Variants in DCBLD2 observed in about 807,000 individuals in gnomAD.
DCBLD2 encodes discoidin, CUB and LCCL domain containing 2.
In DCBLD2, 54 loss-of-function variants were observed where a neutral mutation model predicts 86.8. The ratio of observed to expected loss-of-function variants is 0.62; its 90% CI spans 0.50 to 0.78. DCBLD2 has a LOEUF of 0.78. Ranked by LOEUF, DCBLD2 falls within the 30% of genes least tolerant of loss-of-function variation. The probability of loss-of-function intolerance (pLI) is 0.00; values close to 1 mark genes in which losing one functional copy is unlikely to be tolerated. For synonymous variants in DCBLD2, 354 were observed against 341.3 expected, an observed-to-expected ratio of 1.04 and a Z score of -0.41; for missense variants, 908 against 954.2, an observed-to-expected ratio of 0.95 and a Z score of 0.64.
chr3:98,884,835 G>A lies in DCBLD2; in HGVS notation c.206-3068C>T, dbSNP rs144058991. 2.8e-4 allele frequency among the ~76,000 whole-genome samples: 42 copies of A among 152,264 alleles called. No individual in the cohort carries two copies. The East Asian group carries it at 7.1e-3, about 26-fold the overall frequency. ...TATTAACAGCTGAATCTACGACTTT[G>A]TAGTGGCAGATTGTCACACTTAAGG... is the stretch of plus-strand genomic sequence containing the variant. On this transcript the variant is annotated intron_variant, in intron 1 of 15. Coordinates refer to ENST00000326840, the MANE Select transcript of DCBLD2 (RefSeq NM_080927.4).
At chr3:98,891,977 T>C (rs1310995232) in intron 1 of DCBLD2, among the ~76,000 whole-genome samples, 2 of 152,166 alleles carry the variant, frequency 1.3e-5, no homozygotes, top group Admixed American at 1.3e-4. Flanking sequence ...AGAAAGGCAA[T>C]GCATTCTACT....
At chr3:98,851,966 T>G (rs1238372667) in intron 2 of DCBLD2, among the ~76,000 whole-genome samples, 1 of 152,118 alleles carries the variant, frequency 6.6e-6, no homozygotes, top group Non-Finnish European at 1.5e-5. Flanking sequence ...ACGTAAGACC[T>G]AAAACCATAA....
intron 1 of DCBLD2, among the ~76,000 whole-genome samples, chr3:98,884,078 TATG>T (rs1225786740): frequency 6.6e-6 from 1 of 152,220 alleles, no homozygotes; most frequent in South Asian, 2.1e-4. Flanking sequence ...CCTAAATTCT[TATG>T]ATAATACTTA....
At chr3:98,898,126 A>G (rs1480299987) in intron 1 of DCBLD2, among the ~76,000 whole-genome samples, 1 of 152,090 alleles carries the variant, frequency 6.6e-6, no homozygotes, top group African/African-American at 2.4e-5. Flanking sequence ...AAACATCAAC[A>G]TAATAAATAG....
chr3:98,818,962 T>C (rs1359698157), intron 8 of DCBLD2, among the ~76,000 whole-genome samples: 1 of 152,202 alleles, frequency 6.6e-6, no homozygotes, highest in Admixed American at 6.5e-5. Context: ...CTCCCCTTTA[T>C]ATATACATCT....
intron 2 of DCBLD2, among the ~76,000 whole-genome samples, chr3:98,873,389 T>C (rs944908107): frequency 1.3e-5 from 2 of 152,024 alleles, no homozygotes; most frequent in African/African-American, 2.4e-5. Context: ...ATATAGAATA[T>C]TCACAAAAAA....
chr3:98,834,449 C>G (rs1292996741), intron 3 of DCBLD2, among the ~76,000 whole-genome samples: 12 of 151,740 alleles, frequency 7.9e-5, no homozygotes, highest in African/African-American at 2.7e-4. Context: ...CTCTCTTCAT[C>G]CCCCCACCTC....
intron 2 of DCBLD2, among the ~76,000 whole-genome samples, chr3:98,873,455 T>G (rs1296110267): frequency 6.6e-6 from 1 of 152,092 alleles, no homozygotes; most frequent in Non-Finnish European, 1.5e-5. Context: ...CTGACTATAA[T>G]GCAATAGAAT....
At chr3:98,809,497 T>A (rs908225705) in intron 12 of DCBLD2, among the ~76,000 whole-genome samples, 1 of 152,054 alleles carries the variant, frequency 6.6e-6, no homozygotes, top group Non-Finnish European at 1.5e-5. Flanking sequence ...GGAAGCCCCC[T>A]TTTCACTGCA....
chr3:98,835,741 G>C (rs1658412262), intron 3 of DCBLD2, among the ~76,000 whole-genome samples: 2 of 150,190 alleles, frequency 1.3e-5, no homozygotes, highest in South Asian at 4.2e-4. Flanking sequence ...GTAGAGACAG[G>C]GTTTCACCAT....
intron 1 of DCBLD2, among the ~76,000 whole-genome samples, chr3:98,891,185 GGAGAGGGAGAAGGA>G (rs1173185106): frequency 1.3e-5 from 2 of 150,676 alleles, no homozygotes; most frequent in Non-Finnish European, 3.0e-5. Flanking sequence ...TGTGACAGAG[GGAGAGGGAGAAGGA>G]GAGAGGGAGA....
At chr3:98,836,389 T>C (rs2107465255) in intron 3 of DCBLD2, among the ~76,000 whole-genome samples, 1 of 150,702 alleles carries the variant, frequency 6.6e-6, no homozygotes, top group South Asian at 2.1e-4. Flanking sequence ...CCACAGTTAA[T>C]GCTACTCAAT....
intron 1 of DCBLD2, among the ~76,000 whole-genome samples, chr3:98,884,063 T>C (rs927244106): frequency 6.6e-6 from 1 of 152,050 alleles, no homozygotes; most frequent in Non-Finnish European, 1.5e-5. Flanking sequence ...TGGAACAACT[T>C]TGTACCTAAA....
chr3:98,881,498 C>G, intron 2 of DCBLD2, 42 bp downstream of exon 2: 1 of 1,517,832 alleles, frequency 6.6e-7, no homozygotes, highest in Non-Finnish European at 9.1e-7. Context: ...ATCATTGAGA[C>G]AATGATGTAT....
Position 98,820,275 on chromosome 3 carries a change from T to C in DCBLD2, c.844A>G (p.Thr282Ala). 1.0e-5 allele frequency: 15 copies of C among 1,471,122 alleles called. No homozygotes were observed. Among genetic ancestry groups the C allele is most frequent in the Non-Finnish European group, 1.3e-5 (14 of 1,111,326 alleles). 91.1% of individuals were successfully genotyped at this position (1,471,122 alleles called of 1,614,324 possible). A position where few individuals can be genotyped will look rare whatever the true frequency, so the allele number is the denominator to read the frequency against. ...NVTSVVGHLS[T>A]SLFTFKTSGC... ...CTTGTCTTAAATGTAAAAAGACTTG[T>C]AGATAAGTGTCCCCTGAAAGAGAGA... Residue 282 changes from threonine to alanine, a missense_variant, in exon 7 of 16, where the codon ACA (threonine) becomes GCA (alanine). This residue lies in a region of DCBLD2 where 606 missense variants were observed against 678.5 expected (regional missense o/e 0.89). Transcript: ENST00000326840.
Position 98,821,482 on chromosome 3 carries a change from A to G in DCBLD2, c.830+746T>C, listed in dbSNP as rs531585611. Among the ~76,000 whole-genome samples the G allele has an allele frequency of 3.7e-3, 561 of 152,350 alleles. 2 individuals carry two copies. Among genetic ancestry groups the G allele is most frequent in the African/African-American group, 0.013 (532 of 41,578 alleles). ...TCTTAGAATGAAAGGAAGATTCACA[A>G]TAATGCTTATGATGTAACACTTTAT... On this transcript the variant is annotated intron_variant, in intron 6 of 15. Transcript: ENST00000326840.
chr3:98,838,802 C>T (rs1446099620), intron 3 of DCBLD2, among the ~76,000 whole-genome samples: 4 of 152,038 alleles, frequency 2.6e-5, no homozygotes, highest in East Asian at 1.9e-4. Context: ...CCCGGCACCT[C>T]GGGAGGCTGA....
intron 3 of DCBLD2, among the ~76,000 whole-genome samples, chr3:98,836,696 C>T (rs1487077918): frequency 3.1e-5 from 3 of 97,184 alleles, no homozygotes; most frequent in African/African-American, 1.1e-4. Flanking sequence ...CATCACCTCC[C>T]GGACGGGGCG....
chr3:98,855,237 A>G (rs549215797), intron 2 of DCBLD2, among the ~76,000 whole-genome samples: 1 of 152,350 alleles, frequency 6.6e-6, no homozygotes, highest in South Asian at 2.1e-4. Context: ...GTATGAAAAG[A>G]GCACAGTATC....
Sources: allele counts gnomAD v4.1 joint callset (sites outside exome capture counted in the v4.1 genomes callset), GRCh38; gene constraint gnomAD v4.1.1; regional missense constraint gnomAD v4.1.1; transcripts MANE v1.5; gene names NCBI Gene and HGNC (gene_info 2026-07-23, HGNC 2026-07-21).